The following RXFP1 variants were observed in gnomAD, a reference collection of about 807,000 sequenced individuals.
The protein encoded by RXFP1 is relaxin receptor 1.
In RXFP1, 73 loss-of-function variants were observed where a neutral mutation model predicts 89.8. The observed-to-expected ratio is 0.81, with a 90% CI of 0.67 to 0.99. The LOEUF (loss-of-function observed/expected upper bound fraction) is 0.99, where lower values mean the gene tolerates loss of function less well. RXFP1 is among the 50% of genes least tolerant of loss of function. The pLI is 0.00. For missense variants in RXFP1, 793 were observed against 895.5 expected (o/e 0.89, Z 1.46); for synonymous variants, 277 against 305.5 (o/e 0.91, Z 0.97).
intron 1 of RXFP1, among the ~76,000 whole-genome samples, chr4:158,528,489 A>T (rs1373467576): frequency 6.6e-6 from 1 of 152,164 alleles, no homozygotes; most frequent in Non-Finnish European, 1.5e-5. Flanking sequence ...TAGGCAACAG[A>T]GCAAGACCCT....
chr4:158,646,151 C>T (rs1771498625), intron 15 of RXFP1, among the ~76,000 whole-genome samples: 2 of 152,026 alleles, frequency 1.3e-5, no homozygotes, highest in East Asian at 1.9e-4. Flanking sequence ...TTCCTGGGAT[C>T]GGAGACCCTA....
chr4:158,637,578 C>G (rs139713146), intron 12 of RXFP1, among the ~76,000 whole-genome samples: 10 of 151,928 alleles, frequency 6.6e-5, no homozygotes, highest in Non-Finnish European at 1.0e-4. Context: ...AATTTTTAAC[C>G]AGCTTATTTG....
chr4:158,625,251 A>G (rs1766481068), intron 9 of RXFP1, among the ~76,000 whole-genome samples: 1 of 152,274 alleles, frequency 6.6e-6, no homozygotes, highest in African/African-American at 2.4e-5. Context: ...ATAGAATAAC[A>G]GAAATTTGGA....
At chr4:158,592,624 C>G (rs1207166112) in intron 2 of RXFP1, among the ~76,000 whole-genome samples, 1 of 152,086 alleles carries the variant, frequency 6.6e-6, no homozygotes, top group East Asian at 1.9e-4. Context: ...TCATGGCTGT[C>G]TAGCCATGTT....
rs563779596 is a variant in RXFP1 at position 158,651,743 on chromosome 4, T to C, written c.1976-14T>C. On this transcript the variant is annotated splice_polypyrimidine_tract_variant and intron_variant, in intron 17 of 17. Transcript: ENST00000307765. ...ATCTATAAACACTAAAACTATTTCA[T>C]TTTTCTTTTTTAGGTACCATAACCT... 1.1e-4 allele frequency: 172 copies of C among 1,578,520 alleles called. No individual in the cohort carries two copies. Among genetic ancestry groups the C allele is most frequent in the Admixed American group, 1.5e-4 (8 of 54,144 alleles).
chr4:158,607,003 C>G, intron 5 of RXFP1: 1 of 1,354,098 alleles, frequency 7.4e-7, no homozygotes, highest in Non-Finnish European at 1.0e-6. Flanking sequence ...TGATTTCTTT[C>G]TTATTGCTCC....
intron 14 of RXFP1, among the ~76,000 whole-genome samples, chr4:158,642,885 G>T (rs1256874261): frequency 3.9e-5 from 6 of 152,174 alleles, no homozygotes. Flanking sequence ...AGAGAGAGGG[G>T]CTCCTGAATA....
intron 1 of RXFP1, among the ~76,000 whole-genome samples, chr4:158,536,914 C>T (rs1007886971): frequency 6.6e-6 from 1 of 152,020 alleles, no homozygotes; most frequent in Non-Finnish European, 1.5e-5. Flanking sequence ...ATAGCGTTTA[C>T]ACTTATGAGC....
chr4:158,550,187 A>G (rs575341225), intron 1 of RXFP1, among the ~76,000 whole-genome samples: 1 of 152,342 alleles, frequency 6.6e-6, no homozygotes, highest in African/African-American at 2.4e-5. Context: ...GCTGCCTTGC[A>G]GTTTGATCTC....
intron 13 of RXFP1, among the ~76,000 whole-genome samples, chr4:158,638,907 T>G (rs1002456271): frequency 6.6e-6 from 1 of 151,468 alleles, no homozygotes; most frequent in African/African-American, 2.4e-5. Flanking sequence ...TAATTAAAAA[T>G]TACTAGGAAA....
At chr4:158,568,979 A>G (rs971600536) in intron 1 of RXFP1, among the ~76,000 whole-genome samples, 4 of 152,264 alleles carry the variant, frequency 2.6e-5, no homozygotes, top group Non-Finnish European at 5.9e-5. Flanking sequence ...CCAAAGATTT[A>G]CAAACTTGGT....
At chr4:158,584,027 G>C (rs951611204) in intron 2 of RXFP1, among the ~76,000 whole-genome samples, 5 of 152,156 alleles carry the variant, frequency 3.3e-5, no homozygotes, top group African/African-American at 1.2e-4. Context: ...TGGTGGCCTA[G>C]GGCACCTCTG....
At chr4:158,618,387 A>C (rs1330781469) in intron 9 of RXFP1, among the ~76,000 whole-genome samples, 3 of 152,092 alleles carry the variant, frequency 2.0e-5, no homozygotes, top group Non-Finnish European at 4.4e-5. Flanking sequence ...GAAAATATAC[A>C]ATATACTTCA....
rs1032647944 is a variant in RXFP1, at chr4:158,541,148, G to T, written c.49+19123G>T. On this transcript the variant is annotated intron_variant, in intron 1 of 17. Coordinates refer to ENST00000307765, the MANE Select transcript of RXFP1 (RefSeq NM_021634.4). ...CCACAAAAGGTTAGATCCCCGCTAT[G>T]CATCATGTCCAGAAAAACCTTGTCA... Among the ~76,000 whole-genome samples the T allele has an allele frequency of 5.9e-5, 9 of 152,266 alleles. No homozygotes were observed. The East Asian group carries it at 9.7e-4, about 16-fold the overall frequency.
intron 9 of RXFP1, among the ~76,000 whole-genome samples, chr4:158,626,421 A>G (rs1766841485): frequency 6.6e-6 from 1 of 152,152 alleles, no homozygotes; most frequent in African/African-American, 2.4e-5. Flanking sequence ...AGACTGTAGC[A>G]AAATAAAATC....
rs1767389403 is a variant in RXFP1, at chr4:158,628,581, A to G, written c.828-57A>G. The G allele has an allele frequency of 3.7e-6, 3 of 801,442 alleles. No individual in the cohort carries two copies. The South Asian group carries it at 4.7e-5, about 13-fold the overall frequency. The allele number at this position is 801,442 out of a possible 1,614,324, so 49.6% of individuals were successfully genotyped here. A position where few individuals can be genotyped will look rare whatever the true frequency, so the allele number is the denominator to read the frequency against. On this transcript the variant is annotated intron_variant, in intron 10 of 17. Coordinates refer to ENST00000307765, the MANE Select transcript of RXFP1 (RefSeq NM_021634.4). ...GTTTCTGCATACCGTTCCTCTCTTT[A>G]GTAATTCTTGTCGGTTACCTAAAGA...
Position 158,612,194 on chromosome 4 carries a change from G to C in RXFP1, c.601G>C (p.Glu201Gln). The C allele has an allele frequency of 1.2e-6, 2 of 1,611,402 alleles. No individual in the cohort carries two copies. The highest frequency in any genetic ancestry group is 1.7e-6 in the Non-Finnish European group (2 of 1,178,746). ...PGVFEDLHRLEWLIIEDNHLS... is the reference protein window; with the variant it reads ...PGVFEDLHRLQWLIIEDNHLS... ...TGTTTTTGAAGATCTTCACAGACTA[G>C]AATGGCTGTATGTTTAATTTATGTG... The change falls in exon 7 of 18, where the codon GAA (glutamate) becomes CAA (glutamine). Residue 201 changes from glutamate to glutamine, a missense_variant. Coordinates refer to ENST00000307765, the MANE Select transcript of RXFP1 (RefSeq NM_021634.4).
At chr4:158,610,437 TC>T (rs1267014293) in intron 6 of RXFP1, among the ~76,000 whole-genome samples, 2 of 152,188 alleles carry the variant, frequency 1.3e-5, no homozygotes, top group African/African-American at 4.8e-5. Flanking sequence ...CCTTAGCGTT[TC>T]AGGTAGAGCA....
intron 1 of RXFP1, among the ~76,000 whole-genome samples, chr4:158,558,329 A>G (rs1177489398): frequency 2.0e-5 from 3 of 152,158 alleles, no homozygotes; most frequent in African/African-American, 7.2e-5. Context: ...GCTTCCTCCA[A>G]TTAAACTTCA....
Sources: gnomAD v4.1 joint callset for allele counts (sites outside exome capture counted in the v4.1 genomes callset) on GRCh38, gnomAD v4.1.1 for gene constraint, MANE v1.5 for transcripts, NCBI Gene and HGNC (gene_info 2026-07-23, HGNC 2026-07-21) for gene names.